MAGI2: variants seen among roughly 807,000 people sequenced by gnomAD.
The protein encoded by MAGI2 is membrane associated guanylate kinase, WW and PDZ domain containing 2, also known as membrane-associated guanylate kinase, WW and PDZ domain-containing protein 2.
Under a neutral mutation model 133.3 loss-of-function variants are expected in MAGI2, and 35 were observed. The ratio of observed to expected loss-of-function variants is 0.26; its 90% CI spans 0.20 to 0.35. The LOEUF (loss-of-function observed/expected upper bound fraction) is 0.35. Among genes scored for constraint, MAGI2 ranks in the 10% least tolerant of loss-of-function variants. MAGI2 has a pLI of 1.00. For synonymous variants in MAGI2, 729 were observed against 710.6 expected (o/e 1.03, Z -0.41); for missense variants, 1,636 against 1,863.4 (o/e 0.88, Z 2.25).
chr7:78,563,777 T>G (rs1387596790), intron 3 of MAGI2, among the ~76,000 whole-genome samples: 1 of 152,128 alleles, frequency 6.6e-6, no homozygotes, highest in Non-Finnish European at 1.5e-5. Context: ...CTCCACAGGT[T>G]CAGAGTTACT....
intron 1 of MAGI2, among the ~76,000 whole-genome samples, chr7:79,315,108 A>C (rs1838601970): frequency 1.3e-5 from 2 of 152,072 alleles, no homozygotes; most frequent in South Asian, 4.2e-4. Flanking sequence ...AACTCTACGA[A>C]TATCATTTTA....
intron 13 of MAGI2, among the ~76,000 whole-genome samples, chr7:78,181,201 A>G (rs902021823): frequency 6.6e-6 from 1 of 152,150 alleles, no homozygotes; most frequent in African/African-American, 2.4e-5. Context: ...GCAAGAACTT[A>G]AAGTGAAGAA....
chr7:78,376,705 A>G (rs1794481855), intron 6 of MAGI2, among the ~76,000 whole-genome samples: 1 of 152,162 alleles, frequency 6.6e-6, no homozygotes. Context: ...GATTCAGAAT[A>G]CTATCTGGAG....
chr7:78,602,949 T>C (rs1805366651), intron 3 of MAGI2, among the ~76,000 whole-genome samples: 1 of 152,166 alleles, frequency 6.6e-6, no homozygotes, highest in Non-Finnish European at 1.5e-5. Context: ...TAAATAAGAA[T>C]TACAATAATG....
At chr7:78,886,294 T>G (rs1383022025) in intron 2 of MAGI2, among the ~76,000 whole-genome samples, 1 of 152,232 alleles carries the variant, frequency 6.6e-6, no homozygotes, top group Non-Finnish European at 1.5e-5. Context: ...TAAACATAAA[T>G]AGACTTTGTA....
intron 14 of MAGI2, among the ~76,000 whole-genome samples, chr7:78,171,142 A>G (rs1374694047): frequency 6.6e-6 from 1 of 152,138 alleles, no homozygotes; most frequent in Non-Finnish European, 1.5e-5. Flanking sequence ...ATATCTCTCT[A>G]TTCTGAGAAA....
chr7:78,324,399 T>C (rs1381414069), intron 9 of MAGI2, among the ~76,000 whole-genome samples: 1 of 152,196 alleles, frequency 6.6e-6, no homozygotes, highest in African/African-American at 2.4e-5. Context: ...TCCTGGAAGG[T>C]AGAACAGCAC....
At chr7:78,448,450 A>C (rs1788380393) in intron 6 of MAGI2, among the ~76,000 whole-genome samples, 1 of 152,062 alleles carries the variant, frequency 6.6e-6, no homozygotes, top group South Asian at 2.1e-4. Flanking sequence ...GGGGCTCACC[A>C]GAAAAACTGA....
chr7:78,547,654 C>T (rs969215123), intron 3 of MAGI2, among the ~76,000 whole-genome samples: 22 of 152,176 alleles, frequency 1.4e-4, no homozygotes, highest in African/African-American at 2.2e-4. Flanking sequence ...AAGGCACGCG[C>T]GCACACACAC....
intron 1 of MAGI2, among the ~76,000 whole-genome samples, chr7:79,431,775 G>A (rs73704825): frequency 6.6e-6 from 1 of 152,122 alleles, no homozygotes; most frequent in African/African-American, 2.4e-5. Context: ...AACTGTCTGT[G>A]TTGCAGTTTG....
At chr7:78,133,896 C>G (rs544454407) in intron 17 of MAGI2, among the ~76,000 whole-genome samples, 10 of 152,168 alleles carry the variant, frequency 6.6e-5, no homozygotes, top group Non-Finnish European at 1.2e-4. Context: ...TTAGCATTCC[C>G]CTATGAACTC....
intron 1 of MAGI2, among the ~76,000 whole-genome samples, chr7:79,253,302 C>A (rs1833454355): frequency 6.6e-6 from 1 of 152,110 alleles, no homozygotes; most frequent in Non-Finnish European, 1.5e-5. Flanking sequence ...ATTCTTTCCA[C>A]AACCTCTTTA....
intron 21 of MAGI2, among the ~76,000 whole-genome samples, chr7:78,034,771 A>G (rs1269136983): frequency 6.6e-6 from 1 of 152,108 alleles, no homozygotes; most frequent in Non-Finnish European, 1.5e-5. Flanking sequence ...CAAGTGATCC[A>G]CCTGCCTTGG....
chr7:78,859,354 G>A (rs971291234), intron 2 of MAGI2, among the ~76,000 whole-genome samples: 3 of 151,946 alleles, frequency 2.0e-5, no homozygotes, highest in African/African-American at 7.3e-5. Flanking sequence ...TTACAATTTG[G>A]CATGTTGTTG....
At chr7:79,013,899 T>C (rs775421236) in intron 1 of MAGI2, among the ~76,000 whole-genome samples, 3 of 152,218 alleles carry the variant, frequency 2.0e-5, no homozygotes, top group Admixed American at 6.5e-5. Flanking sequence ...AGTTTTTCCA[T>C]AGCTGAAAAT....
At chr7:78,368,801 G>A (rs759671736) in intron 7 of MAGI2, among the ~76,000 whole-genome samples, 12 of 152,108 alleles carry the variant, frequency 7.9e-5, no homozygotes, top group Admixed American at 2.6e-4. Context: ...AATTGACTTC[G>A]AAATCTGTTT....
intron 1 of MAGI2, among the ~76,000 whole-genome samples, chr7:79,323,305 T>C (rs1336539100): frequency 6.6e-6 from 1 of 152,142 alleles, no homozygotes; most frequent in East Asian, 1.9e-4. Context: ...GACATTCAGA[T>C]TGCATGATAT....
At chr7:79,315,599 A>G (rs1041515557) in intron 1 of MAGI2, among the ~76,000 whole-genome samples, 1 of 152,130 alleles carries the variant, frequency 6.6e-6, no homozygotes, top group Non-Finnish European at 1.5e-5. Flanking sequence ...ATGACAACGT[A>G]CCACAGCTGT....
At chr7:78,071,500 G>T (rs1327007156) in intron 21 of MAGI2, among the ~76,000 whole-genome samples, 1 of 152,106 alleles carries the variant, frequency 6.6e-6, no homozygotes, top group Admixed American at 6.5e-5. Context: ...TCACACCGTT[G>T]TACTCCAGCC....
Sources: gnomAD v4.1 joint callset for allele counts (sites outside exome capture counted in the v4.1 genomes callset) on GRCh38, gnomAD v4.1.1 for gene constraint, MANE v1.5 for transcripts, NCBI Gene and HGNC (gene_info 2026-07-23, HGNC 2026-07-21) for gene names.